The following TMTC2 variants were observed in gnomAD, a reference collection of about 807,000 sequenced individuals.
The protein encoded by TMTC2 is transmembrane O-mannosyltransferase targeting cadherins 2.
In TMTC2, 43 loss-of-function variants were observed where a neutral mutation model predicts 82.4. The observed-to-expected ratio is 0.52, with a 90% CI of 0.41 to 0.67. TMTC2 has a LOEUF of 0.67. Ranked by LOEUF, TMTC2 falls within the 30% of genes least tolerant of loss-of-function variation. The pLI is 0.00. For missense variants in TMTC2, 919 were observed against 1,012.4 expected (o/e 0.91, Z 1.25); for synonymous variants, 408 against 381.9 (o/e 1.07, Z -0.80).
intron 6 of TMTC2, among the ~76,000 whole-genome samples, chr12:82,966,635 AG>A (rs1223875630): frequency 4.6e-5 from 7 of 151,960 alleles, no homozygotes; most frequent in Non-Finnish European, 1.0e-4. Context: ...TTGGTTTTTT[AG>A]TTGAGTAATC....
Position 82,918,740 on chromosome 12 carries a change from T to C in TMTC2, c.1484-11691T>C, listed in dbSNP as rs998753498. Among the ~76,000 whole-genome samples the C allele has an allele frequency of 6.0e-5, 8 of 134,050 alleles. No homozygotes were observed. In the East Asian group the frequency reaches 1.6e-3, roughly 26 times the overall value. 87.9% of individuals were successfully genotyped at this position (134,050 alleles called of 152,430 possible). The stretch of plus-strand genomic sequence containing the variant: ...TCTCTCTCTCTCTCTCTCTCTCTCT[T>C]TCTCTCCCTCTCTCTCTCTCTCTCT... On this transcript the variant is annotated intron_variant, in intron 3 of 11. Transcript: ENST00000321196.
At chr12:82,787,167 C>T (rs555390640) in intron 1 of TMTC2, among the ~76,000 whole-genome samples, 1 of 152,152 alleles carries the variant, frequency 6.6e-6, no homozygotes, top group Non-Finnish European at 1.5e-5. Flanking sequence ...CTAGACAAAG[C>T]AGTTTTTATC....
intron 1 of TMTC2, among the ~76,000 whole-genome samples, chr12:82,802,896 C>T (rs1879078920): frequency 1.3e-5 from 2 of 152,144 alleles, no homozygotes; most frequent in Admixed American, 6.5e-5. Context: ...GCGATGGAGA[C>T]ACATTCAAGG....
At chr12:82,869,501 G>C (rs553076323) in intron 2 of TMTC2, among the ~76,000 whole-genome samples, 4 of 152,010 alleles carry the variant, frequency 2.6e-5, no homozygotes, top group Admixed American at 6.6e-5. Context: ...TAGCTGGAAT[G>C]GTATACTAGA....
At chr12:82,791,647 A>G (rs1434526687) in intron 1 of TMTC2, among the ~76,000 whole-genome samples, 5 of 152,186 alleles carry the variant, frequency 3.3e-5, no homozygotes, top group East Asian at 1.9e-4. Flanking sequence ...TGATTATTCT[A>G]TAGGCCAGAA....
intron 9 of TMTC2, among the ~76,000 whole-genome samples, chr12:83,046,800 C>A (rs954632696): frequency 6.6e-6 from 1 of 152,076 alleles, no homozygotes; most frequent in East Asian, 1.9e-4. Context: ...ATGAGAGGAC[C>A]GAGATCCACA....
chr12:82,929,734 G>A (rs1032166423), intron 3 of TMTC2, among the ~76,000 whole-genome samples: 7 of 152,182 alleles, frequency 4.6e-5, no homozygotes, highest in African/African-American at 1.7e-4. Context: ...CTGGAGAGCC[G>A]TACTATGGGG....
chr12:82,964,650 T>A (rs547423638), intron 4 of TMTC2, among the ~76,000 whole-genome samples: 17 of 152,216 alleles, frequency 1.1e-4, no homozygotes, highest in Non-Finnish European at 2.4e-4. Flanking sequence ...CATATACATA[T>A]CTCACTGCCT....
At chr12:82,702,141 C>G (rs529782452) in intron 1 of TMTC2, among the ~76,000 whole-genome samples, 3 of 152,184 alleles carry the variant, frequency 2.0e-5, no homozygotes, top group South Asian at 4.1e-4. Flanking sequence ...TAATTAATAA[C>G]GTTTGGAGTA....
intron 8 of TMTC2, 65 bp from the exon 9 acceptor site, chr12:83,030,733 G>T (rs1323847320): frequency 2.3e-6 from 3 of 1,280,966 alleles, no homozygotes; most frequent in Non-Finnish European, 3.4e-6. Context: ...ACTTCAGTTA[G>T]GCCCAGGCAG....
intron 3 of TMTC2, among the ~76,000 whole-genome samples, chr12:82,897,180 G>C (rs1873729827): frequency 6.6e-6 from 1 of 152,178 alleles, no homozygotes; most frequent in Non-Finnish European, 1.5e-5. Flanking sequence ...ACCTTTGGCT[G>C]CGCAGAGGCT....
chr12:82,849,263 T>C (rs1178004278), intron 1 of TMTC2, among the ~76,000 whole-genome samples: 1 of 152,058 alleles, frequency 6.6e-6, no homozygotes, highest in East Asian at 1.9e-4. Context: ...CTAAGATGTG[T>C]TGGACACTGG....
intron 3 of TMTC2, among the ~76,000 whole-genome samples, chr12:82,913,400 G>A (rs912324400): frequency 1.3e-5 from 2 of 151,918 alleles, no homozygotes; most frequent in Non-Finnish European, 2.9e-5. Context: ...TTACTTTTGA[G>A]GTTTTAAGTT....
chr12:82,704,938 C>G (rs1299470429), intron 1 of TMTC2, among the ~76,000 whole-genome samples: 1 of 152,136 alleles, frequency 6.6e-6, no homozygotes, highest in Non-Finnish European at 1.5e-5. Context: ...GGAACCAACC[C>G]AAATACCCAT....
chr12:82,997,672 C>A (rs1879728567), intron 8 of TMTC2, among the ~76,000 whole-genome samples: 1 of 151,298 alleles, frequency 6.6e-6, no homozygotes. Flanking sequence ...TATTTTACTG[C>A]TGCCATTTTT....
intron 7 of TMTC2, among the ~76,000 whole-genome samples, chr12:82,983,418 AC>A (rs1879014878): frequency 6.6e-6 from 1 of 151,980 alleles, no homozygotes; most frequent in African/African-American, 2.4e-5. Context: ...AAAAAAATGG[AC>A]CAGTCATTAA....
At chr12:82,958,980 T>G (rs528305670) in intron 4 of TMTC2, among the ~76,000 whole-genome samples, 1 of 152,242 alleles carries the variant, frequency 6.6e-6, no homozygotes, top group African/African-American at 2.4e-5. Flanking sequence ...CAATAAAGTT[T>G]CATGATACAA....
chr12:82,961,740 G>T (rs545129881), intron 4 of TMTC2, among the ~76,000 whole-genome samples: 1 of 152,096 alleles, frequency 6.6e-6, no homozygotes, highest in Non-Finnish European at 1.5e-5. Context: ...TCCTGGGCTG[G>T]GTAATGTTGG....
chr12:83,129,050 A>C (rs1885182187), intron 11 of TMTC2, among the ~76,000 whole-genome samples: 1 of 152,112 alleles, frequency 6.6e-6, no homozygotes, highest in Non-Finnish European at 1.5e-5. Flanking sequence ...TGTTTCCTTC[A>C]CTCAAGAAGT....
Sources: gnomAD v4.1 joint callset for allele counts (sites outside exome capture counted in the v4.1 genomes callset) on GRCh38, gnomAD v4.1.1 for gene constraint, MANE v1.5 for transcripts, NCBI Gene and HGNC (gene_info 2026-07-23, HGNC 2026-07-21) for gene names.